DPP10: variants seen among roughly 807,000 people sequenced by gnomAD.
DPP10 encodes dipeptidyl peptidase like 10, also known as inactive dipeptidyl peptidase 10.
In DPP10, 33 loss-of-function variants were observed where a neutral mutation model predicts 120.9. The observed-to-expected ratio is 0.27, with a 90% CI of 0.21 to 0.37. The LOEUF is 0.37. DPP10 is among the 10% of genes least tolerant of loss of function. DPP10 has a pLI of 1.00. For missense variants in DPP10, 816 were observed against 942.8 expected (o/e 0.87, Z 1.76); for synonymous variants, 337 against 326.1 (o/e 1.03, Z -0.36).
intron 1 of DPP10, among the ~76,000 whole-genome samples, chr2:114,899,345 A>G (rs1339171426): frequency 6.6e-6 from 1 of 152,078 alleles, no homozygotes; most frequent in Admixed American, 6.5e-5. Flanking sequence ...TTAAACATTG[A>G]TGTAAAAATT....
At chr2:114,707,930 C>T (rs1558657891) in intron 1 of DPP10, among the ~76,000 whole-genome samples, 1 of 152,162 alleles carries the variant, frequency 6.6e-6, no homozygotes, top group Non-Finnish European at 1.5e-5. Flanking sequence ...TCACCAGTTT[C>T]TACAAAGGTT....
At chr2:115,066,977 A>G (rs968954293) in intron 1 of DPP10, among the ~76,000 whole-genome samples, 2 of 152,178 alleles carry the variant, frequency 1.3e-5, no homozygotes, top group Non-Finnish European at 2.9e-5. Flanking sequence ...AGTATAATTA[A>G]TGATAGGTAT....
At chr2:114,925,331 A>G (rs1695543190) in intron 1 of DPP10, among the ~76,000 whole-genome samples, 1 of 152,140 alleles carries the variant, frequency 6.6e-6, no homozygotes, top group South Asian at 2.1e-4. Flanking sequence ...TCAGGAACCA[A>G]ACTTTAAACT....
intron 1 of DPP10, among the ~76,000 whole-genome samples, chr2:114,950,358 G>A (rs983674750): frequency 6.9e-6 from 1 of 144,688 alleles, no homozygotes; most frequent in Non-Finnish European, 1.5e-5. Flanking sequence ...GCAGTGGCGC[G>A]ATCTTGGCTC....
In DPP10 at chr2:115,413,774, C is replaced by G. The variant is rs546320988; in HGVS notation, c.271+69862C>G. The stretch of plus-strand genomic sequence containing the variant: ...CCGAGTCAAAGCCAGATATAAATTT[C>G]TACCCTGTGTCTCAACTCAGGGCCA... On this transcript the variant is annotated intron_variant, in intron 3 of 25. Transcript: ENST00000410059. Among the ~76,000 whole-genome samples the G allele has an allele frequency of 7.9e-5, 12 of 152,312 alleles. No homozygotes were observed. In the South Asian group the frequency reaches 2.5e-3, roughly 32 times the overall value.
At chr2:115,432,531 T>C (rs553986530) in intron 3 of DPP10, among the ~76,000 whole-genome samples, 3 of 152,102 alleles carry the variant, frequency 2.0e-5, no homozygotes, top group East Asian at 1.9e-4. Flanking sequence ...AAAGGGACCA[T>C]TTCCTTCTGT....
chr2:115,692,016 G>A (rs1167728717), intron 7 of DPP10, among the ~76,000 whole-genome samples: 2 of 151,908 alleles, frequency 1.3e-5, no homozygotes, highest in African/African-American at 4.8e-5. Flanking sequence ...AAATAATTCT[G>A]TGTAGACTAT....
At chr2:115,776,702 C>G (rs562606398) in intron 13 of DPP10, among the ~76,000 whole-genome samples, 4 of 152,070 alleles carry the variant, frequency 2.6e-5, no homozygotes, top group African/African-American at 9.6e-5. Flanking sequence ...CTATAAACAC[C>G]TTGGAAGCAT....
At chr2:114,660,676 C>A (rs1375408536) in intron 1 of DPP10, among the ~76,000 whole-genome samples, 1 of 152,130 alleles carries the variant, frequency 6.6e-6, no homozygotes, top group Non-Finnish European at 1.5e-5. Flanking sequence ...TTTAATGTCC[C>A]TTTTAGCTCT....
At chr2:114,927,552 C>T (rs796123254) in intron 1 of DPP10, among the ~76,000 whole-genome samples, 7 of 152,150 alleles carry the variant, frequency 4.6e-5, no homozygotes, top group African/African-American at 1.7e-4. Flanking sequence ...CTTTGTGTTT[C>T]TCATAAGTCT....
intron 1 of DPP10, among the ~76,000 whole-genome samples, chr2:115,041,470 T>C (rs1221131567): frequency 6.6e-6 from 1 of 152,192 alleles, no homozygotes; most frequent in African/African-American, 2.4e-5. Flanking sequence ...AACTATGAGA[T>C]ATTGCTTATG....
rs201296031 is a variant in DPP10, at chr2:115,762,594, C to T, written c.1097C>T (p.Thr366Met). ...CSKKYEMTSDTWLSQQNEEPV... is the reference protein window; with the variant it reads ...CSKKYEMTSDMWLSQQNEEPV... ...CAGAAATATGAGATGACATCAGATACGTGGCTCTCTCAGCAGGTACAGTAT... is the reference window on the plus strand; with the variant it reads ...CAGAAATATGAGATGACATCAGATATGTGGCTCTCTCAGCAGGTACAGTAT... The change falls in exon 12 of 26, where the codon ACG becomes ATG. Residue 366 changes from threonine to methionine, a missense_variant. This residue lies in a region of DPP10 where 592 missense variants were observed against 649.0 expected (regional missense o/e 0.91). Transcript: ENST00000410059. 407 of 1,613,504 alleles carry T rather than the reference C, an allele frequency of 2.5e-4. No homozygotes were observed. The highest frequency in any genetic ancestry group is 3.1e-4 in the Non-Finnish European group (363 of 1,179,870).
chr2:115,825,591 C>T (rs186238573), intron 21 of DPP10, among the ~76,000 whole-genome samples: 1 of 152,156 alleles, frequency 6.6e-6, no homozygotes, highest in Admixed American at 6.5e-5. Context: ...AAACTTTATC[C>T]TTTTTTCAAA....
chr2:114,565,290 T>C (rs1573668135), intron 1 of DPP10, among the ~76,000 whole-genome samples: 1 of 152,194 alleles, frequency 6.6e-6, no homozygotes, highest in Non-Finnish European at 1.5e-5. Context: ...CCTGGTATAG[T>C]GCGTGACATG....
intron 1 of DPP10, among the ~76,000 whole-genome samples, chr2:115,007,806 A>C (rs945182055): frequency 6.7e-6 from 1 of 149,070 alleles, no homozygotes; most frequent in Non-Finnish European, 1.5e-5. Context: ...GAGCCAAATC[A>C]TGAGTGAACT....
At chr2:115,683,500 G>T (rs1210368807) in intron 5 of DPP10, among the ~76,000 whole-genome samples, 4 of 151,780 alleles carry the variant, frequency 2.6e-5, no homozygotes, top group African/African-American at 9.7e-5. Context: ...TGGACTCTGG[G>T]TGACAATGGC....
chr2:114,551,755 A>T (rs1330432507), intron 1 of DPP10, among the ~76,000 whole-genome samples: 1 of 152,166 alleles, frequency 6.6e-6, no homozygotes, highest in African/African-American at 2.4e-5. Flanking sequence ...AGGGCTTTTA[A>T]AGACTTCTTT....
At chr2:115,506,335 CT>C (rs2148817245) in intron 4 of DPP10, among the ~76,000 whole-genome samples, 1 of 152,150 alleles carries the variant, frequency 6.6e-6, no homozygotes, top group East Asian at 1.9e-4. Context: ...ATAATGACAG[CT>C]CATTATAGAG....
chr2:115,431,984 G>A (rs750165898), intron 3 of DPP10, among the ~76,000 whole-genome samples: 4 of 152,108 alleles, frequency 2.6e-5, no homozygotes, highest in Non-Finnish European at 5.9e-5. Flanking sequence ...AAGGGAAACG[G>A]GAAATCTGTA....
Sources: allele counts gnomAD v4.1 joint callset (sites outside exome capture counted in the v4.1 genomes callset), GRCh38; gene constraint gnomAD v4.1.1; regional missense constraint gnomAD v4.1.1; transcripts MANE v1.5; gene names NCBI Gene and HGNC (gene_info 2026-07-23, HGNC 2026-07-21).